Variants in ADAMTS12 observed in about 807,000 individuals in gnomAD.
The protein encoded by ADAMTS12 is ADAM metallopeptidase with thrombospondin type 1 motif 12, also known as A disintegrin and metalloproteinase with thrombospondin motifs 12.
In ADAMTS12, 118 loss-of-function variants were observed where a neutral mutation model predicts 167.8. The observed-to-expected ratio is 0.70, with a 90% confidence interval of 0.61 to 0.82. The LOEUF is 0.82. Among genes scored for constraint, ADAMTS12 ranks in the 40% least tolerant of loss-of-function variants. The pLI is 0.00. For missense variants in ADAMTS12, 1,916 were observed against 1,998.8 expected, an observed-to-expected ratio of 0.96 and a Z score of 0.79; for synonymous variants, 704 against 716.9, an observed-to-expected ratio of 0.98 and a Z score of 0.29.
At chr5:33,750,648 CT>C (rs1283015926) in intron 3 of ADAMTS12, among the ~76,000 whole-genome samples, 1 of 152,152 alleles carries the variant, frequency 6.6e-6, no homozygotes, top group African/African-American at 2.4e-5. Flanking sequence ...ATTTAAGAAA[CT>C]GTCCCGATTC....
chr5:33,711,598 T>C (rs1205296132), intron 3 of ADAMTS12, among the ~76,000 whole-genome samples: 1 of 152,140 alleles, frequency 6.6e-6, no homozygotes, highest in Non-Finnish European at 1.5e-5. Flanking sequence ...GACAGAACTG[T>C]GTAAACAAAC....
chr5:33,644,499 T>G lies in ADAMTS12; in HGVS notation c.1480-1029A>C, dbSNP rs575035967. Among the ~76,000 whole-genome samples, 4 of 152,340 alleles carry G rather than the reference T, an allele frequency of 2.6e-5. No homozygotes were observed. The South Asian group carries it at 6.2e-4, about 24-fold the overall frequency. ...TTAAGTCAATAACCACACCTTCCAT[T>G]TCCAGAAGTTATATTTATTCTTCCT... is the stretch of plus-strand genomic sequence containing the variant. On this transcript the variant is annotated intron_variant, in intron 9 of 23. Coordinates refer to ENST00000504830, the MANE Select transcript of ADAMTS12 (RefSeq NM_030955.4).
chr5:33,786,622 T>A (rs1746336491), intron 2 of ADAMTS12, among the ~76,000 whole-genome samples: 1 of 152,182 alleles, frequency 6.6e-6, no homozygotes, highest in Non-Finnish European at 1.5e-5. Context: ...GAGAACCTCT[T>A]CTCTTGATAG....
chr5:33,637,649 T>A lies in ADAMTS12; in HGVS notation c.1816A>T (p.Met606Leu). 1 of 1,613,826 alleles carries A rather than the reference T, an allele frequency of 6.2e-7. No individual in the cohort carries two copies. The highest frequency in any genetic ancestry group is 8.5e-7 in the Non-Finnish European group (1 of 1,179,758). Reference protein sequence around the residue: ...CRSEAPTFRQMQCSEFDTVPY... With the variant: ...CRSEAPTFRQLQCSEFDTVPY... ...ACAGTGTCAAATTCACTGCACTGCATCTGCCGAAATGTTGGTGCCTCTGAG... is the reference window on the plus strand; with the variant it reads ...ACAGTGTCAAATTCACTGCACTGCAACTGCCGAAATGTTGGTGCCTCTGAG... Residue 606 changes from methionine to leucine, a missense_variant, in exon 12 of 24, where the codon ATG becomes TTG. Transcript: ENST00000504830.
Position 33,683,991 on chromosome 5 carries a change from T to C in ADAMTS12, c.699A>G (p.Pro233=). Residue 233 remains proline (P), a synonymous_variant, in exon 4 of 24, where the codon CCA becomes CCG. Transcript: ENST00000504830. ...WREKWERHNL[P]SRSLSRRSIS... is the part of the protein sequence containing the mutation. ...TGGAACGCCGAGAGAGGCTTCTGCT[T>C]GGCAAGTTGTGCCTCTCCCACTTCT... 3.1e-6 allele frequency: 5 copies of C among 1,611,512 alleles called. No homozygotes were observed. The highest frequency in any genetic ancestry group is 4.2e-6 in the Non-Finnish European group (5 of 1,178,912).
chr5:33,680,352 A>G (rs62349658), intron 5 of ADAMTS12, among the ~76,000 whole-genome samples: 8,029 of 152,248 alleles, frequency 0.053, 436 homozygotes, highest in East Asian at 0.17. Context: ...ATGAAGAGAC[A>G]TGGAGTTTAA....
chr5:33,549,066 A>T (rs1457921057), intron 21 of ADAMTS12, 141 bp downstream of exon 21: 7 of 1,042,694 alleles, frequency 6.7e-6, no homozygotes, highest in Admixed American at 5.7e-5. Context: ...TCTCACATAC[A>T]GGGTGGGGTC....
chr5:33,537,793 A>G (rs1457634115), intron 22 of ADAMTS12, among the ~76,000 whole-genome samples: 1 of 152,222 alleles, frequency 6.6e-6, no homozygotes, highest in African/African-American at 2.4e-5. Flanking sequence ...CGGTGCAACT[A>G]TGCAGCTATG....
intron 2 of ADAMTS12, among the ~76,000 whole-genome samples, chr5:33,818,704 G>A (rs1029482819): frequency 6.6e-6 from 1 of 151,992 alleles, no homozygotes; most frequent in Non-Finnish European, 1.5e-5. Context: ...TTCCACCAAT[G>A]GTGTACTAGG....
In ADAMTS12 at chr5:33,630,907, G is replaced by A. The variant is rs1460317518; in HGVS notation, c.1895C>T (p.Pro632Leu). The change falls in exon 13 of 24, where the codon CCT becomes CTT. Residue 632 changes from proline to leucine, a missense_variant. Transcript: ENST00000504830. ...TATGGGTCGGCAGTAGAGCTCACAA[G>A]GATGTGCTGAAGGGAAAAAAGAAGG... The part of the protein sequence containing the change: ...HWFPIFNPAH[P>L]CELYCRPIDG... The A allele has an allele frequency of 1.2e-6, 2 of 1,612,834 alleles. No homozygotes were observed. Among genetic ancestry groups the A allele is most frequent in the African/African-American group, 2.7e-5 (2 of 74,860 alleles).
chr5:33,825,022 C>T (rs1396310393), intron 2 of ADAMTS12, among the ~76,000 whole-genome samples: 5 of 152,136 alleles, frequency 3.3e-5, no homozygotes, highest in Admixed American at 6.5e-5. Flanking sequence ...CCAGACTGTG[C>T]TATCGTGTGA....
At chr5:33,676,475 T>C (rs1741904387) in intron 5 of ADAMTS12, among the ~76,000 whole-genome samples, 1 of 152,170 alleles carries the variant, frequency 6.6e-6, no homozygotes, top group South Asian at 2.1e-4. Flanking sequence ...AGGATACTTT[T>C]TTTTTTAAGG....
chr5:33,565,362 G>C (rs1745960055), intron 19 of ADAMTS12, among the ~76,000 whole-genome samples: 1 of 152,144 alleles, frequency 6.6e-6, no homozygotes, highest in Non-Finnish European at 1.5e-5. Flanking sequence ...ATGTTGGCCA[G>C]ACTGGTCTCA....
chr5:33,664,636 A>G (rs1330735222), intron 5 of ADAMTS12, among the ~76,000 whole-genome samples: 1 of 152,226 alleles, frequency 6.6e-6, no homozygotes, highest in Admixed American at 6.5e-5. Context: ...GCTACTATCA[A>G]AAAGATGAAA....
At chr5:33,549,127 T>C in intron 21 of ADAMTS12, 80 bp downstream of exon 21, 1 of 1,519,014 alleles carries the variant, frequency 6.6e-7, no homozygotes, top group South Asian at 1.3e-5. Flanking sequence ...CTTCCCTGAT[T>C]TCTACACTTA....
At chr5:33,718,562 C>A (rs1233952035) in intron 3 of ADAMTS12, among the ~76,000 whole-genome samples, 1 of 152,058 alleles carries the variant, frequency 6.6e-6, no homozygotes, top group Non-Finnish European at 1.5e-5. Context: ...ACTATCCCAC[C>A]CCCTCCCAGT....
intron 2 of ADAMTS12, among the ~76,000 whole-genome samples, chr5:33,774,973 G>T (rs114185502): frequency 6.6e-6 from 1 of 152,110 alleles, no homozygotes. Context: ...GGATGAATGC[G>T]GTAAAAATAC....
At position 33,881,417 on chromosome 5, in the gene ADAMTS12, C is replaced by G; in HGVS notation, c.191G>C (p.Gly64Ala). Residue 64 changes from glycine to alanine, a missense_variant, in exon 2 of 24, where the codon GGG (glycine) becomes GCG (alanine). Gly to Ala is a moderately conservative substitution (Grantham distance 60). Transcript: ENST00000504830. ...VVGPVRVDAS[G>A]HFLSYGLHYP... The stretch of plus-strand genomic sequence containing the variant: ...GTGCAAGCCATATGACAAAAAATGC[C>G]CACTGGCATCTACTCGGACTGGACC... 1.2e-6 allele frequency: 2 copies of G among 1,614,082 alleles called. No homozygotes were observed. Among genetic ancestry groups the G allele is most frequent in the Non-Finnish European group, 1.7e-6 (2 of 1,180,006 alleles).
intron 3 of ADAMTS12, among the ~76,000 whole-genome samples, chr5:33,727,392 G>T (rs537188795): frequency 6.6e-6 from 1 of 152,350 alleles, no homozygotes; most frequent in African/African-American, 2.4e-5. Flanking sequence ...TCCGATAGGA[G>T]GAAGTTAACA....
Sources: allele counts gnomAD v4.1 joint callset (sites outside exome capture counted in the v4.1 genomes callset), GRCh38; gene constraint gnomAD v4.1.1; transcripts MANE v1.5; gene names NCBI Gene and HGNC (gene_info 2026-07-23, HGNC 2026-07-21).